Variants in FAT1 observed in about 807,000 individuals in gnomAD.
FAT1 encodes protocadherin Fat 1.
Under a neutral mutation model 329.8 loss-of-function variants are expected in FAT1, and 171 were observed. The ratio of observed to expected loss-of-function variants is 0.52; its 90% CI spans 0.46 to 0.59. The LOEUF is 0.59. Ranked by LOEUF, FAT1 falls within the 20% of genes least tolerant of loss-of-function variation. FAT1 has a pLI of 0.00. For missense variants in FAT1, 5,672 were observed against 5,774.4 expected (o/e 0.98, Z 0.57); for synonymous variants, 2,233 against 2,228.6 (o/e 1.00, Z -0.06).
chr4:186,709,754 T>C lies in FAT1; in HGVS notation c.74A>G (p.Gln25Arg), dbSNP rs780057288. The change falls in exon 2 of 27, where the codon CAA (glutamine) becomes CGA (arginine). Residue 25 changes from glutamine (Q) to arginine (R), a missense_variant. By Grantham distance (43) the Gln-to-Arg change is conservative. Transcript: ENST00000441802. The stretch of plus-strand genomic sequence containing the variant: ...CTGCAGAGGAGTCTGTTCAAGTCGT[T>C]GGCTGCCATCACTGTCTCCAAAATG... The part of the protein sequence containing the change: ...FQHFGDSDGS[Q>R]RLEQTPLQFT... The C allele has an allele frequency of 1.1e-5, 18 of 1,613,472 alleles. No homozygotes were observed. The highest frequency in any genetic ancestry group is 1.5e-5 in the Non-Finnish European group (18 of 1,179,648).
intron 2 of FAT1, among the ~76,000 whole-genome samples, chr4:186,672,230 T>C (rs531220684): frequency 6.6e-6 from 1 of 152,358 alleles, no homozygotes; most frequent in Admixed American, 6.5e-5. Context: ...TTTTAATTGC[T>C]AGAGACCACT....
chr4:186,702,850 G>A (rs930429343), intron 2 of FAT1, among the ~76,000 whole-genome samples: 2 of 152,170 alleles, frequency 1.3e-5, no homozygotes, highest in Admixed American at 6.5e-5. Context: ...ATGCTGAGAC[G>A]CATGGCAGGC....
intron 2 of FAT1, among the ~76,000 whole-genome samples, chr4:186,697,878 C>T (rs967322276): frequency 3.4e-4 from 52 of 152,268 alleles, no homozygotes; most frequent in African/African-American, 6.7e-4. Flanking sequence ...TCCAAGAAGA[C>T]GGTCAGTGCA....
chr4:186,631,107 T>C lies in FAT1; in HGVS notation c.4324-2344A>G, dbSNP rs566099933. 2.0e-5 allele frequency among the ~76,000 whole-genome samples: 3 copies of C among 152,224 alleles called. No individual in the cohort carries two copies. In the South Asian group the frequency reaches 6.2e-4, roughly 32 times the overall value. On this transcript the variant is annotated intron_variant, in intron 7 of 26. Transcript: ENST00000441802. ...GACTCACCAACGGCTCACCTAAACC[T>C]TCTCAAATCGGCATCTGCTGCCCCT...
intron 2 of FAT1, among the ~76,000 whole-genome samples, chr4:186,703,713 G>A (rs1260131558): frequency 2.0e-5 from 3 of 152,248 alleles, no homozygotes; most frequent in African/African-American, 7.2e-5. Context: ...GCAAGCACCA[G>A]CCTGGCCTGG....
intron 3 of FAT1, among the ~76,000 whole-genome samples, chr4:186,656,731 A>G (rs780174073): frequency 3.3e-5 from 5 of 152,198 alleles, no homozygotes; most frequent in Non-Finnish European, 7.3e-5. Flanking sequence ...GTATTTCCAC[A>G]AACTCCAGAA....
At chr4:186,668,805 T>G (rs1011438756) in intron 2 of FAT1, among the ~76,000 whole-genome samples, 1 of 152,164 alleles carries the variant, frequency 6.6e-6, no homozygotes, top group Non-Finnish European at 1.5e-5. Context: ...GGAAGACTTC[T>G]AATTAGTGCC....
chr4:186,722,028 G>A (rs552464555), intron 1 of FAT1, among the ~76,000 whole-genome samples: 2 of 152,124 alleles, frequency 1.3e-5, no homozygotes, highest in Non-Finnish European at 2.9e-5. Flanking sequence ...AGTAGAGACG[G>A]GGTTTCTCCA....
chr4:186,616,979 A>G lies in FAT1; in HGVS notation c.9075+26T>C, dbSNP rs1280100. ...ATTAAGAAATTGAAATTCATAACAC[A>G]CAAATGTAAGGGAAGAGCTGCTTAC... On this transcript the variant is annotated intron_variant, in intron 11 of 26. Coordinates refer to ENST00000441802, the MANE Select transcript of FAT1 (RefSeq NM_005245.4). 0.59 allele frequency: 935,063 copies of G among 1,585,358 alleles called. 279,591 individuals carry two copies. The highest frequency in any genetic ancestry group is 0.82 in the African/African-American group (60,755 of 73,756).
intron 2 of FAT1, among the ~76,000 whole-genome samples, chr4:186,669,313 C>T (rs327077): frequency 0.17 from 26,134 of 152,152 alleles, 2,639 homozygotes; most frequent in African/African-American, 0.26. Context: ...ACTCTGTCGC[C>T]ACTCCCGTCA....
At chr4:186,681,085 G>A (rs570538271) in intron 2 of FAT1, among the ~76,000 whole-genome samples, 5 of 152,288 alleles carry the variant, frequency 3.3e-5, no homozygotes, top group African/African-American at 1.2e-4. Flanking sequence ...CGGAATTGGA[G>A]AGGGAAACAA....
At chr4:186,597,517 A>T (rs1170660527) in intron 24 of FAT1, among the ~76,000 whole-genome samples, 165 bp downstream of exon 24, 4 of 152,102 alleles carry the variant, frequency 2.6e-5, no homozygotes, top group African/African-American at 9.7e-5. Context: ...CTGCTTGATA[A>T]TTCATTTTAA....
rs746308131 is a variant in FAT1 at position 186,611,446 on chromosome 4, T to C, written c.9793A>G (p.Ile3265Val). The C allele has an allele frequency of 1.9e-6, 3 of 1,613,904 alleles. No homozygotes were observed. Among genetic ancestry groups the C allele is most frequent in the Admixed American group, 3.3e-5 (2 of 60,014 alleles). Reference sequence around the variant, plus strand: ...TTTCCACTTATTATTGAGTAGGTGATTTCTGCATTTGCTTCAATATCCCGA... The same window carrying C: ...TTTCCACTTATTATTGAGTAGGTGACTTCTGCATTTGCTTCAATATCCCGA... ...ASRDIEANAE[I>V]TYSIISGNEH... The change falls in exon 14 of 27, where the codon ATC (isoleucine) becomes GTC (valine). Residue 3265 changes from isoleucine to valine, a missense_variant. Ile to Val is a conservative substitution (Grantham distance 29, BLOSUM62 3). Around this residue, in one of 2 missense-constraint regions of FAT1, gnomAD observed 1,706 missense variants for 1,859.1 expected, o/e 0.92. Coordinates refer to ENST00000441802, the MANE Select transcript of FAT1 (RefSeq NM_005245.4).
intron 17 of FAT1, among the ~76,000 whole-genome samples, 158 bp from the exon 18 acceptor site, chr4:186,604,732 G>A (rs1166014853): frequency 6.6e-6 from 1 of 152,128 alleles, no homozygotes; most frequent in East Asian, 1.9e-4. Flanking sequence ...ACGGGAGTGT[G>A]GTGGTGAGGA....
At chr4:186,675,311 A>C (rs1233629862) in intron 2 of FAT1, among the ~76,000 whole-genome samples, 1 of 151,942 alleles carries the variant, frequency 6.6e-6, no homozygotes, top group South Asian at 2.1e-4. Flanking sequence ...TTAAGAAAAA[A>C]AAAAAACTAG....
chr4:186,666,256 G>A (rs375119764), intron 2 of FAT1, among the ~76,000 whole-genome samples: 106 of 152,048 alleles, frequency 7.0e-4, no homozygotes, highest in African/African-American at 2.4e-3. Context: ...TGGTTCCTCC[G>A]TACAGCAGAC....
chr4:186,608,434 C>A (rs947494505), intron 16 of FAT1, among the ~76,000 whole-genome samples: 2 of 152,052 alleles, frequency 1.3e-5, no homozygotes, highest in African/African-American at 2.4e-5. Context: ...TTTCTGGAGG[C>A]AGGGTCTCAC....
intron 1 of FAT1, among the ~76,000 whole-genome samples, chr4:186,721,866 T>A (rs548435275): frequency 6.6e-6 from 1 of 152,112 alleles, no homozygotes; most frequent in Admixed American, 6.5e-5. Context: ...TTCTTTTTCT[T>A]TTCTTTTTTT....
Position 186,603,684 on chromosome 4 carries a change from G to A in FAT1, c.10842C>T (p.Val3614=), listed in dbSNP as rs1349873813. 1 of 1,614,018 alleles carries A rather than the reference G, an allele frequency of 6.2e-7. No individual in the cohort carries two copies. Among genetic ancestry groups the A allele is most frequent in the East Asian group, 2.2e-5 (1 of 44,874 alleles). ...TCGTGAACTTCCCATCTGTTACGCT[G>A]ACATTGAGAAGGTATTGCCCTATGT... is the stretch of plus-strand genomic sequence containing the variant. ...KLDIGQYLLN[V]SVTDGKFTTV... The change falls in exon 19 of 27, where the codon GTC becomes GTT. Residue 3614 remains valine, a synonymous_variant. Coordinates refer to ENST00000441802, the MANE Select transcript of FAT1 (RefSeq NM_005245.4).
Sources: allele counts gnomAD v4.1 joint callset (sites outside exome capture counted in the v4.1 genomes callset), GRCh38; gene constraint gnomAD v4.1.1; regional missense constraint gnomAD v4.1.1; transcripts MANE v1.5; gene names NCBI Gene and HGNC (gene_info 2026-07-23, HGNC 2026-07-21).